Variants in RBFOX1 observed in about 807,000 individuals in gnomAD.
RBFOX1 encodes the protein RNA binding protein fox-1 homolog 1.
In RBFOX1, 8 loss-of-function variants were observed where a neutral mutation model predicts 57.7. The observed-to-expected ratio is 0.14, with a 90% CI of 0.08 to 0.25. RBFOX1 has a LOEUF of 0.25. Ranked by LOEUF, RBFOX1 falls within the 10% of genes least tolerant of loss-of-function variation. The pLI is 1.00. For missense variants in RBFOX1, 611 were observed against 548.5 expected, an observed-to-expected ratio of 1.11 and a Z score of -1.14; for synonymous variants, 326 against 222.4, an observed-to-expected ratio of 1.47 and a Z score of -4.15.
chr16:6,398,405 C>G (rs2092928622), intron 2 of RBFOX1, among the ~76,000 whole-genome samples: 1 of 152,108 alleles, frequency 6.6e-6, no homozygotes, highest in Non-Finnish European at 1.5e-5. Context: ...ACCCAAAAGT[C>G]CAAGTCAAAA....
chr16:6,970,013 C>A (rs571787279), intron 3 of RBFOX1, among the ~76,000 whole-genome samples: 6 of 151,660 alleles, frequency 4.0e-5, no homozygotes, highest in African/African-American at 1.5e-4. Context: ...CATAGCAAGA[C>A]CCCATTTAAA....
chr16:5,718,511 A>G (rs887371576), intron 3 of RBFOX1, among the ~76,000 whole-genome samples: 3 of 152,248 alleles, frequency 2.0e-5, no homozygotes, highest in African/African-American at 7.2e-5. Context: ...GGCTATTGTG[A>G]AATACAAGGC....
chr16:7,709,732 C>G (rs949711027), intron 15 of RBFOX1: 2 of 1,016,046 alleles, frequency 2.0e-6, no homozygotes, highest in Non-Finnish European at 2.3e-6. Context: ...TGGGGCAGGT[C>G]TGGGTTTTTG....
At chr16:5,333,994 C>G (rs2064833483) in intron 1 of RBFOX1, among the ~76,000 whole-genome samples, 1 of 152,160 alleles carries the variant, frequency 6.6e-6, no homozygotes, top group African/African-American at 2.4e-5. Flanking sequence ...CAAAAAGTGG[C>G]TCAACAAGTC....
chr16:6,511,051 G>C (rs1359332714), intron 2 of RBFOX1, among the ~76,000 whole-genome samples: 1 of 152,110 alleles, frequency 6.6e-6, no homozygotes, highest in African/African-American at 2.4e-5. Flanking sequence ...GCAACATTGA[G>C]GTTGCAAGCA....
At chr16:6,164,043 TA>T in intron 1 of RBFOX1, among the ~76,000 whole-genome samples, 1 of 152,342 alleles carries the variant, frequency 6.6e-6, no homozygotes, top group Non-Finnish European at 1.5e-5. Flanking sequence ...TCTTCTTATT[TA>T]ACAAAAATTG....
chr16:5,677,892 G>C (rs1371317328), intron 3 of RBFOX1, among the ~76,000 whole-genome samples: 1 of 151,886 alleles, frequency 6.6e-6, no homozygotes, highest in African/African-American at 2.4e-5. Flanking sequence ...AAGTGAGGGA[G>C]GCAGGTCTTC....
intron 3 of RBFOX1, among the ~76,000 whole-genome samples, chr16:6,847,934 A>G (rs762584410): frequency 1.2e-4 from 18 of 152,066 alleles, no homozygotes; most frequent in African/African-American, 3.4e-4. Context: ...GTATCAAGCA[A>G]TTATCCTGCC....
intron 1 of RBFOX1, among the ~76,000 whole-genome samples, chr16:5,253,989 C>T (rs1189364905): frequency 1.5e-5 from 2 of 131,982 alleles, no homozygotes; most frequent in East Asian, 4.2e-4. Flanking sequence ...CTGTGGTAGA[C>T]ACTAGCTCAG....
intron 4 of RBFOX1, among the ~76,000 whole-genome samples, chr16:7,471,770 G>A (rs1210989244): frequency 1.3e-5 from 2 of 152,206 alleles, no homozygotes; most frequent in South Asian, 2.1e-4. Context: ...AAGACTTTCA[G>A]TCTCTTTCCC....
At chr16:6,140,045 G>A (rs1014943504) in intron 1 of RBFOX1, among the ~76,000 whole-genome samples, 1 of 143,214 alleles carries the variant, frequency 7.0e-6, no homozygotes, top group Non-Finnish European at 1.5e-5. Context: ...TTCTCCCCAC[G>A]TTTTCCCTTT....
intron 1 of RBFOX1, among the ~76,000 whole-genome samples, chr16:5,244,825 T>C (rs890197057): frequency 9.9e-5 from 15 of 152,204 alleles, no homozygotes; most frequent in African/African-American, 3.4e-4. Flanking sequence ...ACATTCCTGT[T>C]AGCTATGACA....
intron 2 of RBFOX1, among the ~76,000 whole-genome samples, chr16:5,567,944 G>A (rs574919634): frequency 3.9e-4 from 59 of 152,326 alleles, no homozygotes; most frequent in African/African-American, 1.4e-3. Flanking sequence ...TTGCACAGTA[G>A]TGGGGCAGAG....
At chr16:5,283,748 G>A (rs1426183424) in intron 1 of RBFOX1, among the ~76,000 whole-genome samples, 2 of 152,220 alleles carry the variant, frequency 1.3e-5, no homozygotes, top group African/African-American at 4.8e-5. Context: ...TATCTAGGAA[G>A]TAACTAACTT....
chr16:6,719,416 G>T (rs1434508068), intron 3 of RBFOX1, among the ~76,000 whole-genome samples: 6 of 151,194 alleles, frequency 4.0e-5, no homozygotes, highest in Admixed American at 4.0e-4. Flanking sequence ...AAGTTTTAAA[G>T]CATAGTTTCC....
chr16:6,684,373 A>C (rs1175881587), intron 3 of RBFOX1, among the ~76,000 whole-genome samples: 1 of 152,232 alleles, frequency 6.6e-6, no homozygotes, highest in African/African-American at 2.4e-5. Flanking sequence ...TTTCCTGAGC[A>C]GCCATTGAGG....
intron 1 of RBFOX1, among the ~76,000 whole-genome samples, chr16:6,042,316 G>C (rs1356430920): frequency 1.3e-5 from 2 of 151,920 alleles, no homozygotes; most frequent in African/African-American, 4.8e-5. Context: ...GGCCAGGATG[G>C]TCTCGATCTC....
chr16:6,727,087 AACAC>A lies in RBFOX1; in HGVS notation c.-16+72443_-16+72446del, dbSNP rs1202916900. On this transcript the variant is annotated intron_variant, in intron 3 of 15. Coordinates refer to ENST00000550418, the MANE Select transcript of RBFOX1 (RefSeq NM_018723.4). ...CACAGACACAGAGAGAGACACACAA[AACAC>A]ACACAGACACACATAAATATATGTG... Among the ~76,000 whole-genome samples the A allele has an allele frequency of 3.1e-5, 4 of 130,958 alleles. No homozygotes were observed. The East Asian group carries it at 7.3e-4, about 24-fold the overall frequency. 85.9% of individuals were successfully genotyped at this position (130,958 alleles called of 152,430 possible).
intron 3 of RBFOX1, among the ~76,000 whole-genome samples, chr16:7,010,720 C>G (rs1038580921): frequency 3.3e-5 from 5 of 152,042 alleles, no homozygotes; most frequent in Non-Finnish European, 7.4e-5. Flanking sequence ...CATGCCACCA[C>G]TGCCCGGCTG....
Sources: gnomAD v4.1 joint callset for allele counts (sites outside exome capture counted in the v4.1 genomes callset) on GRCh38, gnomAD v4.1.1 for gene constraint, MANE v1.5 for transcripts, NCBI Gene and HGNC (gene_info 2026-07-23, HGNC 2026-07-21) for gene names.